The following SMYD3 variants were observed in gnomAD, a reference collection of about 807,000 sequenced individuals.
SMYD3 encodes the protein SET and MYND domain containing 3.
SMYD3 carries 36 observed loss-of-function variants against 57.7 expected under a neutral mutation model. The observed-to-expected ratio is 0.62, with a 90% CI of 0.48 to 0.82. SMYD3 has a LOEUF of 0.82. Ranked by LOEUF, SMYD3 falls within the 40% of genes least tolerant of loss-of-function variation. The pLI is 0.00. For missense variants in SMYD3, 515 were observed against 538.8 expected (o/e 0.96, Z 0.44); for synonymous variants, 211 against 195.0 (o/e 1.08, Z -0.68).
chr1:246,171,599 G>T (rs1265079212), intron 5 of SMYD3, among the ~76,000 whole-genome samples: 2 of 152,174 alleles, frequency 1.3e-5, no homozygotes, highest in African/African-American at 4.8e-5. Flanking sequence ...ATTGCCTATT[G>T]CTCCTAGGCT....
Position 246,303,130 on chromosome 1 carries a change from C to T in SMYD3, c.531+24071G>A, listed in dbSNP as rs149920665. On this transcript the variant is annotated intron_variant, in intron 5 of 11. Transcript: ENST00000490107. The stretch of plus-strand genomic sequence containing the variant: ...CAAGTCAGGCTGCCTGAGTTCCTAC[C>T]CAGGCTCTCCTACTTTGTTGTTCTG... Among the ~76,000 whole-genome samples the T allele has an allele frequency of 2.6e-4, 39 of 152,276 alleles. No individual in the cohort carries two copies. The East Asian group carries it at 6.0e-3, about 23-fold the overall frequency.
At position 246,430,236 on chromosome 1, in the gene SMYD3, A is replaced by G. The variant is rs1028612519; in HGVS notation, c.165-75142T>C. 2.0e-5 allele frequency among the ~76,000 whole-genome samples: 3 copies of G among 152,394 alleles called. No individual in the cohort carries two copies. In the East Asian group the frequency reaches 5.8e-4, roughly 29 times the overall value. On this transcript the variant is annotated intron_variant, in intron 1 of 11. Transcript: ENST00000490107. The stretch of plus-strand genomic sequence containing the variant: ...AAGTAATGCTGTTAAATGGATATCA[A>G]TAAAATACAGGGGCTCAGAAAAAGG...
At chr1:245,980,188 TG>T (rs557837412) in intron 5 of SMYD3, among the ~76,000 whole-genome samples, 98 of 152,364 alleles carry the variant, frequency 6.4e-4, no homozygotes, top group Middle Eastern at 3.4e-3. Flanking sequence ...GCTGCAGCAC[TG>T]GATTTTACCT....
intron 5 of SMYD3, among the ~76,000 whole-genome samples, chr1:246,166,544 C>G (rs984919986): frequency 3.3e-5 from 5 of 152,186 alleles, no homozygotes; most frequent in Non-Finnish European, 5.9e-5. Flanking sequence ...CATATTTTGT[C>G]TGTTCCCCTG....
intron 5 of SMYD3, among the ~76,000 whole-genome samples, chr1:246,110,565 G>A (rs950062042): frequency 6.6e-6 from 1 of 152,198 alleles, no homozygotes; most frequent in Non-Finnish European, 1.5e-5. Context: ...CCCTCTGAGC[G>A]CAAGCAAGCT....
intron 5 of SMYD3, among the ~76,000 whole-genome samples, chr1:246,091,251 G>A (rs1295099768): frequency 6.6e-6 from 1 of 152,174 alleles, no homozygotes; most frequent in Non-Finnish European, 1.5e-5. Context: ...AGCTGGAAGA[G>A]GTTCTGGAGC....
chr1:246,166,971 C>G (rs1392833632), intron 5 of SMYD3, among the ~76,000 whole-genome samples: 1 of 152,166 alleles, frequency 6.6e-6, no homozygotes, highest in African/African-American at 2.4e-5. Flanking sequence ...TAGCGACCAT[C>G]AATCTGCACT....
intron 5 of SMYD3, among the ~76,000 whole-genome samples, chr1:245,938,919 C>G (rs1211297075): frequency 6.6e-6 from 1 of 152,026 alleles, no homozygotes; most frequent in Non-Finnish European, 1.5e-5. Flanking sequence ...AAGAGTTCAT[C>G]AGAATGTGAA....
At chr1:245,823,911 T>C (rs1452805182) in intron 10 of SMYD3, among the ~76,000 whole-genome samples, 2 of 152,234 alleles carry the variant, frequency 1.3e-5, no homozygotes, top group African/African-American at 4.8e-5. Flanking sequence ...CAGAGCTGAC[T>C]GCACCAGGGA....
At chr1:246,421,886 G>A (rs1004984782) in intron 1 of SMYD3, among the ~76,000 whole-genome samples, 1 of 152,206 alleles carries the variant, frequency 6.6e-6, no homozygotes, top group African/African-American at 2.4e-5. Flanking sequence ...CAGCTCAAAA[G>A]GGAGAGAGCA....
intron 1 of SMYD3, among the ~76,000 whole-genome samples, chr1:246,425,203 G>A (rs1316046915): frequency 6.6e-6 from 1 of 152,124 alleles, no homozygotes; most frequent in Non-Finnish European, 1.5e-5. Flanking sequence ...AGCACATGCG[G>A]TGAGTGGTAG....
intron 5 of SMYD3, among the ~76,000 whole-genome samples, chr1:246,066,833 T>A (rs1572969787): frequency 6.6e-6 from 1 of 152,180 alleles, no homozygotes; most frequent in South Asian, 2.1e-4. Flanking sequence ...CAAATAAATC[T>A]TTTCATATAA....
At chr1:245,867,990 A>G (rs535542618) in intron 8 of SMYD3, among the ~76,000 whole-genome samples, 3 of 152,332 alleles carry the variant, frequency 2.0e-5, no homozygotes, top group African/African-American at 7.2e-5. Flanking sequence ...TTAGAGCTGA[A>G]TATAGGTCTT....
chr1:246,190,675 T>A (rs2148325069), intron 5 of SMYD3, among the ~76,000 whole-genome samples: 1 of 151,538 alleles, frequency 6.6e-6, no homozygotes, highest in African/African-American at 2.4e-5. Flanking sequence ...TTAGACTAAA[T>A]TTTTTAAAAA....
intron 5 of SMYD3, among the ~76,000 whole-genome samples, chr1:246,311,102 T>C (rs967617691): frequency 1.3e-5 from 2 of 152,190 alleles, no homozygotes; most frequent in African/African-American, 4.8e-5. Flanking sequence ...ATTGAAAACA[T>C]GAGTTGTTTT....
At chr1:245,764,009 G>A in intron 11 of SMYD3, 32 bp downstream of exon 11, 1 of 1,537,198 alleles carries the variant, frequency 6.5e-7, no homozygotes, top group East Asian at 2.2e-5. Flanking sequence ...AAGGATGCCA[G>A]GCAGAACTAT....
chr1:246,081,605 G>A (rs1399190929), intron 5 of SMYD3, among the ~76,000 whole-genome samples: 1 of 152,166 alleles, frequency 6.6e-6, no homozygotes, highest in Non-Finnish European at 1.5e-5. Flanking sequence ...TGTTGGCCAG[G>A]CTGGTCTCAA....
At chr1:246,092,560 T>C (rs971981628) in intron 5 of SMYD3, among the ~76,000 whole-genome samples, 5 of 152,106 alleles carry the variant, frequency 3.3e-5, no homozygotes, top group African/African-American at 1.2e-4. Flanking sequence ...GATATCCATA[T>C]ATAGAAGAAT....
At chr1:246,289,781 T>G (rs570783069) in intron 5 of SMYD3, among the ~76,000 whole-genome samples, 1 of 152,292 alleles carries the variant, frequency 6.6e-6, no homozygotes, top group Admixed American at 6.5e-5. Context: ...AACTCACCAA[T>G]GGAGGTCCAC....
Sources: allele counts gnomAD v4.1 joint callset (sites outside exome capture counted in the v4.1 genomes callset), GRCh38; gene constraint gnomAD v4.1.1; transcripts MANE v1.5; gene names NCBI Gene and HGNC (gene_info 2026-07-23, HGNC 2026-07-21).